Variants in RBFOX1 observed in about 807,000 individuals in gnomAD.
RBFOX1 encodes the protein RNA binding fox-1 homolog 1.
Under a neutral mutation model 57.7 loss-of-function variants are expected in RBFOX1, and 8 were observed. The observed-to-expected ratio is 0.14, with a 90% CI of 0.08 to 0.25. The LOEUF is 0.25. Ranked by LOEUF, RBFOX1 falls within the 10% of genes least tolerant of loss-of-function variation. The pLI is 1.00. For synonymous variants in RBFOX1, 326 were observed against 222.4 expected (o/e 1.47, Z -4.15); for missense variants, 611 against 548.5 (o/e 1.11, Z -1.14).
At chr16:7,465,387 C>G (rs1474734716) in intron 4 of RBFOX1, among the ~76,000 whole-genome samples, 1 of 152,136 alleles carries the variant, frequency 6.6e-6, no homozygotes, top group Non-Finnish European at 1.5e-5. Flanking sequence ...TTCATTTGTT[C>G]TTGTGTCTCA....
chr16:6,905,383 C>T (rs1348678420), intron 3 of RBFOX1, among the ~76,000 whole-genome samples: 1 of 151,880 alleles, frequency 6.6e-6, no homozygotes, highest in Non-Finnish European at 1.5e-5. Flanking sequence ...CAAAACCCCA[C>T]CTCTACTAAA....
intron 3 of RBFOX1, among the ~76,000 whole-genome samples, chr16:6,722,395 A>G (rs1435803675): frequency 1.3e-5 from 2 of 152,146 alleles, no homozygotes; most frequent in Admixed American, 1.3e-4. Flanking sequence ...CATCTTGGTC[A>G]TGTCCTTAGG....
intron 4 of RBFOX1, among the ~76,000 whole-genome samples, chr16:7,235,010 C>T (rs183142290): frequency 2.5e-4 from 38 of 152,108 alleles, no homozygotes; most frequent in Admixed American, 4.6e-4. Context: ...GAATGTCTAA[C>T]GATTTTTTGC....
At chr16:5,442,027 C>T (rs747242208) in intron 1 of RBFOX1, among the ~76,000 whole-genome samples, 4 of 152,048 alleles carry the variant, frequency 2.6e-5, no homozygotes, top group Non-Finnish European at 5.9e-5. Context: ...CTTCCTATGA[C>T]CGGGGAGATA....
chr16:6,959,309 C>T (rs74008478), intron 3 of RBFOX1, among the ~76,000 whole-genome samples: 4,821 of 152,178 alleles, frequency 0.032, 273 homozygotes, highest in African/African-American at 0.11. Context: ...TAAACTTTTT[C>T]TGTTTTTAAT....
intron 3 of RBFOX1, among the ~76,000 whole-genome samples, chr16:6,977,052 C>T (rs1361817998): frequency 2.9e-5 from 4 of 140,304 alleles, no homozygotes; most frequent in Non-Finnish European, 4.6e-5. Flanking sequence ...TATCATATAT[C>T]ATGTATGAGA....
At chr16:7,460,229 A>G (rs144567956) in intron 4 of RBFOX1, among the ~76,000 whole-genome samples, 2,753 of 151,782 alleles carry the variant, frequency 0.018, 41 homozygotes, top group Non-Finnish European at 0.03. Context: ...TGGAAACTGC[A>G]ACACCCAGAA....
chr16:7,152,025 G>T (rs139194516), intron 4 of RBFOX1, among the ~76,000 whole-genome samples: 1 of 152,144 alleles, frequency 6.6e-6, no homozygotes, highest in African/African-American at 2.4e-5. Context: ...CTAGGCCATC[G>T]CCTGAGGTTT....
chr16:7,387,186 C>T (rs975763073), intron 4 of RBFOX1, among the ~76,000 whole-genome samples: 2 of 152,138 alleles, frequency 1.3e-5, no homozygotes, highest in Non-Finnish European at 2.9e-5. Context: ...CTGAAACAGG[C>T]AGTTTTTTGA....
chr16:5,786,965 A>G lies in RBFOX1; in HGVS notation c.319-80338A>G, dbSNP rs112259419. 2.8e-3 allele frequency among the ~76,000 whole-genome samples: 432 copies of G among 152,246 alleles called. 6 individuals carry two copies. Among genetic ancestry groups the G allele is most frequent in the African/African-American group, 9.9e-3 (411 of 41,550 alleles). On this transcript the variant is annotated intron_variant, in intron 3 of 19. Coordinates refer to the RBFOX1 transcript ENST00000641259. The stretch of plus-strand genomic sequence containing the variant: ...AGCCTGGCCAACATGGTGAAACCCC[A>G]TCTCTACTAAAAACACAAAGATTAA...
chr16:7,206,759 T>A (rs2090062963), intron 4 of RBFOX1, among the ~76,000 whole-genome samples: 1 of 152,126 alleles, frequency 6.6e-6, no homozygotes, highest in Admixed American at 6.6e-5. Context: ...CATAGCTGAA[T>A]TCCCAGTCCT....
At chr16:7,382,131 G>C (rs2097790789) in intron 4 of RBFOX1, among the ~76,000 whole-genome samples, 1 of 152,026 alleles carries the variant, frequency 6.6e-6, no homozygotes, top group Non-Finnish European at 1.5e-5. Context: ...ATTTGAGTAG[G>C]GACTAATTAC....
intron 2 of RBFOX1, among the ~76,000 whole-genome samples, chr16:5,536,074 G>A (rs2044681969): frequency 6.7e-6 from 1 of 149,338 alleles, no homozygotes; most frequent in South Asian, 2.2e-4. Flanking sequence ...CAGGTAGGCT[G>A]AGAAGTCCCC....
In RBFOX1 at chr16:7,155,898, T is replaced by C. The variant is rs181867453; in HGVS notation, c.27+103800T>C. 4.3e-3 allele frequency among the ~76,000 whole-genome samples: 651 copies of C among 151,804 alleles called. 2 individuals carry two copies. Among genetic ancestry groups the C allele is most frequent in the African/African-American group, 0.015 (623 of 41,356 alleles). Reference sequence around the variant, plus strand: ...AAATTGGATATAAATTTTATGTCTCTATAACTGGACATTAAATCTCATTCC... The same window carrying C: ...AAATTGGATATAAATTTTATGTCTCCATAACTGGACATTAAATCTCATTCC... On this transcript the variant is annotated intron_variant, in intron 4 of 15. Transcript: ENST00000550418.
chr16:6,809,427 A>G (rs1309478479), intron 3 of RBFOX1, among the ~76,000 whole-genome samples: 2 of 152,186 alleles, frequency 1.3e-5, no homozygotes, highest in East Asian at 1.9e-4. Context: ...TTTTGTGGAT[A>G]TACACATAGA....
intron 4 of RBFOX1, among the ~76,000 whole-genome samples, chr16:5,943,596 A>G (rs1007810533): frequency 2.0e-5 from 3 of 152,212 alleles, no homozygotes; most frequent in African/African-American, 7.2e-5. Context: ...CTTTGGGTCA[A>G]CTTGGCCAAG....
intron 4 of RBFOX1, among the ~76,000 whole-genome samples, chr16:7,426,013 A>C (rs2098607239): frequency 6.6e-6 from 1 of 152,230 alleles, no homozygotes; most frequent in Admixed American, 6.5e-5. Flanking sequence ...TCAAGGCGGC[A>C]TCTGGGCCTC....
intron 4 of RBFOX1, among the ~76,000 whole-genome samples, chr16:7,237,515 A>G (rs923310121): frequency 4.6e-5 from 7 of 152,250 alleles, no homozygotes; most frequent in Admixed American, 3.3e-4. Context: ...CTGAAGCACA[A>G]TAGAATGAGA....
chr16:6,581,716 A>G lies in RBFOX1; in HGVS notation c.-63-72887A>G, dbSNP rs375364468. On this transcript the variant is annotated intron_variant, in intron 2 of 15. Coordinates refer to ENST00000550418, the MANE Select transcript of RBFOX1 (RefSeq NM_018723.4). ...GTTCTGCTTAGCTCCTTAATGAGGG[A>G]CTCACAGCTGTGTTTATGGAGGTCA... Among the ~76,000 whole-genome samples the G allele has an allele frequency of 3.9e-5, 6 of 152,186 alleles. No individual in the cohort carries two copies. In the South Asian group the frequency reaches 6.2e-4, roughly 16 times the overall value.
Sources: allele counts gnomAD v4.1 joint callset (sites outside exome capture counted in the v4.1 genomes callset), GRCh38; gene constraint gnomAD v4.1.1; transcripts MANE v1.5; gene names NCBI Gene and HGNC (gene_info 2026-07-23, HGNC 2026-07-21).